The following RAD51B variants were observed in gnomAD, a reference collection of about 807,000 sequenced individuals.
RAD51B encodes RAD51 paralog B.
Under a neutral mutation model 42.2 loss-of-function variants are expected in RAD51B, and 38 were observed. The observed-to-expected ratio is 0.90, with a 90% confidence interval of 0.70 to 1.18. RAD51B has a LOEUF of 1.18. Among genes scored for constraint, RAD51B ranks in the 50% most tolerant of loss-of-function variants. RAD51B has a pLI of 0.00. For missense variants in RAD51B, 373 were observed against 400.7 expected, an observed-to-expected ratio of 0.93 and a Z score of 0.59; for synonymous variants, 154 against 145.2, an observed-to-expected ratio of 1.06 and a Z score of -0.43.
chr14:68,422,196 T>C, intron 9 of RAD51B: 1 of 1,083,426 alleles, frequency 9.2e-7, no homozygotes, highest in Non-Finnish European at 1.4e-6. Context: ...GGGTTGACCA[T>C]GGCTAATAGT....
chr14:68,381,980 G>A (rs2083487591), intron 8 of RAD51B, among the ~76,000 whole-genome samples: 2 of 152,190 alleles, frequency 1.3e-5, no homozygotes, highest in Non-Finnish European at 1.5e-5. Flanking sequence ...GCCAGTGGAT[G>A]CAAAATACAT....
intron 7 of RAD51B, chr14:68,069,611 T>C (rs2076709251): frequency 6.6e-6 from 1 of 152,164 alleles, no homozygotes; most frequent in African/African-American, 2.4e-5. Context: ...CAAAATGACA[T>C]GATCTCACTT....
intron 7 of RAD51B, among the ~76,000 whole-genome samples, chr14:68,013,301 T>C (rs1246169991): frequency 6.6e-6 from 1 of 152,172 alleles, no homozygotes; most frequent in Non-Finnish European, 1.5e-5. Flanking sequence ...TATATCCTTC[T>C]TATGACAGAG....
intron 10 of RAD51B, among the ~76,000 whole-genome samples, chr14:68,573,049 A>G (rs992455149): frequency 6.6e-5 from 10 of 152,186 alleles, no homozygotes; most frequent in African/African-American, 2.4e-4. Flanking sequence ...ATCATCCCTC[A>G]CATCTGGATT....
At chr14:67,943,351 A>G (rs181094608) in intron 7 of RAD51B, among the ~76,000 whole-genome samples, 117 of 152,270 alleles carry the variant, frequency 7.7e-4, no homozygotes, top group Non-Finnish European at 1.5e-3. Context: ...CTCCCTAAAT[A>G]TACACTTAGG....
chr14:68,604,439 C>T (rs1891359486), intron 10 of RAD51B, among the ~76,000 whole-genome samples: 3 of 152,232 alleles, frequency 2.0e-5, no homozygotes, highest in South Asian at 2.1e-4. Flanking sequence ...TGTGGTGTCC[C>T]GCCAGTGGCT....
intron 10 of RAD51B, among the ~76,000 whole-genome samples, chr14:68,493,750 T>C (rs1884270826): frequency 6.6e-6 from 1 of 152,226 alleles, no homozygotes; most frequent in South Asian, 2.1e-4. Context: ...CCCAATGCTT[T>C]ATGCCAGGTT....
At chr14:68,036,880 TA>T (rs2076131717) in intron 7 of RAD51B, among the ~76,000 whole-genome samples, 1 of 152,118 alleles carries the variant, frequency 6.6e-6, no homozygotes, top group South Asian at 2.1e-4. Context: ...CAAATATTTT[TA>T]AAAATAATTT....
intron 10 of RAD51B, among the ~76,000 whole-genome samples, chr14:68,631,308 A>G (rs1031403141): frequency 6.6e-6 from 1 of 152,228 alleles, no homozygotes; most frequent in African/African-American, 2.4e-5. Context: ...TGAGACCAGA[A>G]ATCAGGAAAA....
chr14:68,412,399 G>C (rs2084444383), intron 9 of RAD51B, among the ~76,000 whole-genome samples: 1 of 152,034 alleles, frequency 6.6e-6, no homozygotes, highest in African/African-American at 2.4e-5. Flanking sequence ...TCAAATCCAG[G>C]CCATTTAGAT....
intron 7 of RAD51B, among the ~76,000 whole-genome samples, chr14:68,146,742 T>C (rs923077224): frequency 2.0e-5 from 3 of 152,218 alleles, no homozygotes; most frequent in Admixed American, 1.3e-4. Context: ...CCCATAATTA[T>C]GGCTACATAA....
At chr14:67,879,270 C>T (rs183068625) in intron 5 of RAD51B, among the ~76,000 whole-genome samples, 2 of 152,264 alleles carry the variant, frequency 1.3e-5, no homozygotes, top group Admixed American at 6.5e-5. Flanking sequence ...TGAATTAGCC[C>T]ACCCAGATTA....
intron 10 of RAD51B, among the ~76,000 whole-genome samples, chr14:68,516,031 C>G (rs1886130566): frequency 6.6e-6 from 1 of 152,044 alleles, no homozygotes; most frequent in Admixed American, 6.5e-5. Flanking sequence ...GTGGTCCGCC[C>G]ACCTCGGCCT....
At chr14:68,597,760 G>A (rs533644403), downstream of RAD51B, among the ~76,000 whole-genome samples, 1 of 149,006 alleles carries the variant, frequency 6.7e-6, no homozygotes, top group South Asian at 2.1e-4. Flanking sequence ...GTTTACCTAT[G>A]TAACAAACCT....
intron 10 of RAD51B, among the ~76,000 whole-genome samples, chr14:68,488,883 C>A (rs1883850025): frequency 6.6e-6 from 1 of 152,146 alleles, no homozygotes; most frequent in Non-Finnish European, 1.5e-5. Flanking sequence ...CCTCATGTTG[C>A]CAGAATGTCG....
At chr14:67,983,716 C>G (rs2075134433) in intron 7 of RAD51B, among the ~76,000 whole-genome samples, 1 of 151,988 alleles carries the variant, frequency 6.6e-6, no homozygotes, top group Non-Finnish European at 1.5e-5. Context: ...TTATTTGTAG[C>G]AACAAGCACA....
intron 7 of RAD51B, among the ~76,000 whole-genome samples, chr14:68,191,062 T>G (rs2079256392): frequency 6.6e-6 from 1 of 152,204 alleles, no homozygotes; most frequent in Non-Finnish European, 1.5e-5. Flanking sequence ...ACAATATCCT[T>G]TCTTAAAAGA....
chr14:67,927,721 G>A (rs75296362), intron 7 of RAD51B, among the ~76,000 whole-genome samples: 6 of 149,512 alleles, frequency 4.0e-5, no homozygotes, highest in Admixed American at 6.6e-5. Flanking sequence ...GTGTGTGTGT[G>A]TGTGTGTGTA....
intron 8 of RAD51B, among the ~76,000 whole-genome samples, chr14:68,401,115 A>G (rs952297570): frequency 2.6e-5 from 4 of 152,234 alleles, no homozygotes; most frequent in Admixed American, 2.6e-4. Flanking sequence ...GACACAGCAG[A>G]GAATCCTAGT....
Sources: gnomAD v4.1 joint callset for allele counts (sites outside exome capture counted in the v4.1 genomes callset) on GRCh38, gnomAD v4.1.1 for gene constraint, MANE v1.5 for transcripts, NCBI Gene and HGNC (gene_info 2026-07-23, HGNC 2026-07-21) for gene names.